The following SBF2 variants were observed in gnomAD, a reference collection of about 807,000 sequenced individuals.
The protein encoded by SBF2 is SET binding factor 2, also known as myotubularin-related protein 13.
In SBF2, 112 loss-of-function variants were observed where a neutral mutation model predicts 225.2. That is an observed-to-expected ratio of 0.50 (90% confidence interval 0.43 to 0.58). SBF2 has a LOEUF of 0.58. Among genes scored for constraint, SBF2 ranks in the 20% least tolerant of loss-of-function variants. The pLI is 0.00. For missense variants in SBF2, 1,996 were observed against 2,206.2 expected (o/e 0.90, Z 1.91); for synonymous variants, 763 against 773.3 (o/e 0.99, Z 0.22).
At chr11:10,226,776 G>T (rs1244665890) in intron 1 of SBF2, among the ~76,000 whole-genome samples, 1 of 152,092 alleles carries the variant, frequency 6.6e-6, no homozygotes, top group Admixed American at 6.5e-5. Flanking sequence ...TGTGAATAGT[G>T]CCACAATAAA....
intron 2 of SBF2, among the ~76,000 whole-genome samples, chr11:10,134,767 C>T (rs1173761044): frequency 6.6e-6 from 1 of 152,202 alleles, no homozygotes; most frequent in Non-Finnish European, 1.5e-5. Flanking sequence ...GCCCCTGTGG[C>T]TTTGCAGGGT....
intron 6 of SBF2, among the ~76,000 whole-genome samples, chr11:10,009,229 C>T (rs561563001): frequency 7.9e-5 from 12 of 152,176 alleles, no homozygotes; most frequent in South Asian, 2.1e-4. Flanking sequence ...TATGTTACAA[C>T]GGCAAAACAG....
rs766573319 is a variant in SBF2 at position 9,832,259 on chromosome 11, A to G, written c.3617T>C (p.Val1206Ala). ...GGAGTTCTGAGATTTGAAAAGACCA[A>G]CGACTCCCTTCCCATGGAATCCTCC... ...RSGGFHGKGVVGLFKSQNSPQ... is the reference protein window; with the variant it reads ...RSGGFHGKGVAGLFKSQNSPQ... The change falls in exon 27 of 40, where the codon GTT becomes GCT. Residue 1206 changes from valine (V) to alanine (A), a missense_variant. Val to Ala is a moderately conservative substitution (Grantham distance 64). Coordinates refer to ENST00000256190, the MANE Select transcript of SBF2 (RefSeq NM_030962.4). The G allele has an allele frequency of 1.2e-5, 19 of 1,614,012 alleles. No individual in the cohort carries two copies. In the African/African-American group the frequency reaches 2.3e-4, roughly 19 times the overall value.
chr11:10,068,731 C>A (rs1327044757), intron 2 of SBF2, among the ~76,000 whole-genome samples: 3 of 152,072 alleles, frequency 2.0e-5, no homozygotes, highest in Non-Finnish European at 4.4e-5. Flanking sequence ...GACTCAGCCC[C>A]CGTCACCCCT....
In SBF2 at chr11:10,099,004, T is replaced by C. The variant is rs1003707842; in HGVS notation, c.142-56023A>G. ...ATGAACCAAACCAAAATATGCATGA[T>C]AGAAGTCCCAGAAAAAGAAGACAAA... On this transcript the variant is annotated intron_variant, in intron 2 of 39. Coordinates refer to ENST00000256190, the MANE Select transcript of SBF2 (RefSeq NM_030962.4). 1.6e-4 allele frequency among the ~76,000 whole-genome samples: 25 copies of C among 151,904 alleles called. No individual in the cohort carries two copies. The South Asian group carries it at 1.7e-3, about 10-fold the overall frequency.
intron 1 of SBF2, among the ~76,000 whole-genome samples, chr11:10,286,108 G>A (rs1261580581): frequency 3.3e-5 from 5 of 151,954 alleles, no homozygotes; most frequent in Admixed American, 2.6e-4. Flanking sequence ...GATTACAGGC[G>A]TGAGCTACCA....
intron 1 of SBF2, among the ~76,000 whole-genome samples, chr11:10,280,697 A>G (rs998676448): frequency 6.6e-6 from 1 of 152,210 alleles, no homozygotes; most frequent in Non-Finnish European, 1.5e-5. Context: ...TTTACAATAC[A>G]ACATTCCAGC....
chr11:9,916,876 G>A (rs2134207230), intron 16 of SBF2, among the ~76,000 whole-genome samples: 1 of 148,242 alleles, frequency 6.7e-6, no homozygotes, highest in African/African-American at 2.6e-5. Context: ...AAATTACCAT[G>A]CCTGACCCTG....
chr11:9,846,750 TACTC>T (rs1485660222), intron 23 of SBF2, among the ~76,000 whole-genome samples: 1 of 152,198 alleles, frequency 6.6e-6, no homozygotes, highest in African/African-American at 2.4e-5. Flanking sequence ...TATCTGCTGG[TACTC>T]TGAGTTGGCT....
At chr11:9,863,532 TG>T (rs1857935424) in intron 17 of SBF2, among the ~76,000 whole-genome samples, 1 of 152,216 alleles carries the variant, frequency 6.6e-6, no homozygotes, top group African/African-American at 2.4e-5. Context: ...AATTCAGGGA[TG>T]GTGCTAGCAA....
At chr11:10,102,982 G>T (rs1952376884) in intron 2 of SBF2, among the ~76,000 whole-genome samples, 1 of 152,072 alleles carries the variant, frequency 6.6e-6, no homozygotes, top group Non-Finnish European at 1.5e-5. Context: ...ATGTAATATT[G>T]AGAGACAATG....
intron 2 of SBF2, among the ~76,000 whole-genome samples, chr11:10,116,174 G>C (rs938418355): frequency 6.6e-6 from 1 of 151,584 alleles, no homozygotes; most frequent in Non-Finnish European, 1.5e-5. Context: ...CTCTCAAAAA[G>C]AAAAAAAGGA....
chr11:10,018,180 C>T (rs1948719676), intron 6 of SBF2, among the ~76,000 whole-genome samples: 1 of 152,158 alleles, frequency 6.6e-6, no homozygotes, highest in Non-Finnish European at 1.5e-5. Context: ...TTTCCCCTTT[C>T]TTCCCTTCTG....
chr11:10,254,601 C>T (rs1194543891), intron 1 of SBF2, among the ~76,000 whole-genome samples: 2 of 147,198 alleles, frequency 1.4e-5, no homozygotes, highest in Admixed American at 1.3e-4. Flanking sequence ...GAATACTATT[C>T]AGCCTTTAAA....
intron 16 of SBF2, among the ~76,000 whole-genome samples, chr11:9,923,819 T>C (rs1436028552): frequency 2.6e-5 from 4 of 152,184 alleles, no homozygotes; most frequent in Admixed American, 2.0e-4. Context: ...TAAACTTCAA[T>C]CAAATATTGC....
chr11:10,163,941 G>A (rs1283470630), intron 2 of SBF2, among the ~76,000 whole-genome samples: 1 of 152,160 alleles, frequency 6.6e-6, no homozygotes, highest in Non-Finnish European at 1.5e-5. Flanking sequence ...CTTTGTAAGT[G>A]TTATACCTTA....
At chr11:10,105,173 C>T (rs893984653) in intron 2 of SBF2, among the ~76,000 whole-genome samples, 2 of 145,840 alleles carry the variant, frequency 1.4e-5, no homozygotes, top group South Asian at 2.1e-4. Context: ...GATAGATTAG[C>T]GCTGTAAGGG....
chr11:9,933,540 A>C (rs1019847936), intron 16 of SBF2, among the ~76,000 whole-genome samples: 1 of 152,234 alleles, frequency 6.6e-6, no homozygotes, highest in Non-Finnish European at 1.5e-5. Context: ...GAAACTGAAC[A>C]AAGTGCTCCT....
At chr11:10,040,334 A>G (rs1949606337) in intron 3 of SBF2, among the ~76,000 whole-genome samples, 1 of 152,008 alleles carries the variant, frequency 6.6e-6, no homozygotes, top group Non-Finnish European at 1.5e-5. Flanking sequence ...CTTAGAAGGA[A>G]CACAGGTAAT....
Sources: allele counts gnomAD v4.1 joint callset (sites outside exome capture counted in the v4.1 genomes callset), GRCh38; gene constraint gnomAD v4.1.1; transcripts MANE v1.5; gene names NCBI Gene and HGNC (gene_info 2026-07-23, HGNC 2026-07-21).